The following RPS6KA2 variants were observed in gnomAD, a reference collection of about 807,000 sequenced individuals.
The protein encoded by RPS6KA2 is ribosomal protein S6 kinase alpha-2.
In RPS6KA2, 42 loss-of-function variants were observed where a neutral mutation model predicts 91.8. The observed-to-expected ratio is 0.46, with a 90% CI of 0.36 to 0.59. The LOEUF (loss-of-function observed/expected upper bound fraction) is 0.59. Ranked by LOEUF, RPS6KA2 falls within the 20% of genes least tolerant of loss-of-function variation. RPS6KA2 has a pLI of 0.00. For synonymous variants in RPS6KA2, 414 were observed against 393.6 expected, an observed-to-expected ratio of 1.05 and a Z score of -0.61; for missense variants, 798 against 978.5, an observed-to-expected ratio of 0.82 and a Z score of 2.46.
intron 1 of RPS6KA2, among the ~76,000 whole-genome samples, chr6:166,607,159 A>AAT: frequency 6.6e-6 from 1 of 151,102 alleles, no homozygotes; most frequent in Non-Finnish European, 1.5e-5. Flanking sequence ...AAAAAAAAAA[A>AAT]GCTCCATCTA....
In RPS6KA2 at chr6:166,795,010, T is replaced by C. The variant is rs552219994; in HGVS notation, c.123+63190A>G. On this transcript the variant is annotated intron_variant, in intron 2 of 21. Transcript: ENST00000503859. ...AACTTAAAGTATAATAACAATAAAATAAAAATAAATAAATAAAAAATAAAA... is the reference window on the plus strand; with the variant it reads ...AACTTAAAGTATAATAACAATAAAACAAAAATAAATAAATAAAAAATAAAA... Among the ~76,000 whole-genome samples, 4 of 151,606 alleles carry C rather than the reference T, an allele frequency of 2.6e-5. No individual in the cohort carries two copies. In the South Asian group the frequency reaches 8.3e-4, roughly 32 times the overall value.
intron 2 of RPS6KA2, among the ~76,000 whole-genome samples, chr6:166,661,354 C>T (rs1191145046): frequency 6.6e-6 from 1 of 152,182 alleles, no homozygotes; most frequent in Non-Finnish European, 1.5e-5. Flanking sequence ...CCCGCCTCGG[C>T]CTCCCCAAGT....
Position 166,490,608 on chromosome 6 carries a change from G to T in RPS6KA2, c.818+63C>A. The T allele has an allele frequency of 1.8e-6, 2 of 1,090,448 alleles. No homozygotes were observed. Among genetic ancestry groups the T allele is most frequent in the Non-Finnish European group, 2.8e-6 (2 of 721,524 alleles). The allele number at this position is 1,090,448 out of a possible 1,614,324, so 67.5% of individuals were successfully genotyped here. A position where few individuals can be genotyped will look rare whatever the true frequency, so the allele number is the denominator to read the frequency against. On this transcript the variant is annotated intron_variant, in intron 9 of 20. Transcript: ENST00000265678. The surrounding 1 kb of genome is among the most constrained non-coding windows in gnomAD (Gnocchi z 4.2). ...AAAACTTCACAGTTCCAGGTTCAGA[G>T]GCAGCAGCTCTTGATATCAGAAGGT...
chr6:166,853,877 G>T (rs1288576082), intron 2 of RPS6KA2, among the ~76,000 whole-genome samples: 1 of 152,202 alleles, frequency 6.6e-6, no homozygotes, highest in African/African-American at 2.4e-5. Flanking sequence ...TGGCCTGCAG[G>T]AGAGAGGCAG....
chr6:166,555,336 C>T (rs954800332), intron 1 of RPS6KA2, among the ~76,000 whole-genome samples: 4 of 152,196 alleles, frequency 2.6e-5, no homozygotes, highest in African/African-American at 9.7e-5. Flanking sequence ...GTTCTGGGCT[C>T]TCCGACCTTG....
intron 2 of RPS6KA2, among the ~76,000 whole-genome samples, chr6:166,789,633 C>T (rs1779030578): frequency 6.6e-6 from 1 of 152,200 alleles, no homozygotes; most frequent in African/African-American, 2.4e-5. Context: ...AGACTGACAC[C>T]TCACACGGCC....
chr6:166,643,856 A>G (rs1787524808), intron 2 of RPS6KA2, among the ~76,000 whole-genome samples: 5 of 152,230 alleles, frequency 3.3e-5, no homozygotes, highest in Admixed American at 3.3e-4. Flanking sequence ...ACTTAGGTGT[A>G]TGTGTGTGAG....
At chr6:166,782,389 T>C (rs147095612) in intron 2 of RPS6KA2, among the ~76,000 whole-genome samples, 5 of 152,322 alleles carry the variant, frequency 3.3e-5, no homozygotes, top group African/African-American at 1.2e-4. Context: ...CAATTGAGTC[T>C]TTAGAAGCAC....
At chr6:166,677,517 C>T (rs892036270) in intron 2 of RPS6KA2, among the ~76,000 whole-genome samples, 1 of 152,040 alleles carries the variant, frequency 6.6e-6, no homozygotes, top group African/African-American at 2.4e-5. Context: ...TGCACCACCA[C>T]TCCCAGCTAA....
At chr6:166,720,531 T>C (rs1003288364) in intron 2 of RPS6KA2, among the ~76,000 whole-genome samples, 3 of 151,930 alleles carry the variant, frequency 2.0e-5, no homozygotes, top group African/African-American at 7.3e-5. Context: ...TAGAAATCTC[T>C]CCCCAAAAAT....
intron 2 of RPS6KA2, among the ~76,000 whole-genome samples, chr6:166,673,049 C>T (rs1177024827): frequency 6.6e-6 from 1 of 152,134 alleles, no homozygotes; most frequent in African/African-American, 2.4e-5. Context: ...CAGAGCTGCC[C>T]TTCCCTCCCC....
In RPS6KA2 at chr6:166,583,570, A is replaced by G. The variant is rs997001216; in HGVS notation, c.99+43351T>C. ...CCAGGGTTCCCCACCCACTGTCCAG[A>G]GGTGACAAAGGAGAGACGCTCCTGA... On this transcript the variant is annotated intron_variant, in intron 1 of 20. Coordinates refer to ENST00000265678, the MANE Select transcript of RPS6KA2 (RefSeq NM_021135.6). 1.1e-4 allele frequency among the ~76,000 whole-genome samples: 17 copies of G among 152,336 alleles called. No homozygotes were observed. In the South Asian group the frequency reaches 3.3e-3, roughly 30 times the overall value.
intron 10 of RPS6KA2, among the ~76,000 whole-genome samples, chr6:166,474,975 G>A (rs1207332466): frequency 6.6e-6 from 1 of 152,212 alleles, no homozygotes; most frequent in Non-Finnish European, 1.5e-5. Flanking sequence ...AGTGCCGAGG[G>A]CGCTGGCCAG....
chr6:166,553,304 G>T (rs1187295049), intron 1 of RPS6KA2, among the ~76,000 whole-genome samples: 2 of 151,848 alleles, frequency 1.3e-5, no homozygotes, highest in East Asian at 3.9e-4. Flanking sequence ...GTATTTTTTT[G>T]TAGAGATGGT....
At chr6:166,862,445 C>T in exon 1 of RPS6KA2, 1 of 1,222,150 alleles carries the variant, frequency 8.2e-7, no homozygotes, top group Non-Finnish European at 1.1e-6. Context: ...GGAGCTGCTG[C>T]CGCTTCCCGC....
intron 2 of RPS6KA2, among the ~76,000 whole-genome samples, chr6:166,722,718 C>T (rs962783659): frequency 3.9e-5 from 6 of 152,260 alleles, no homozygotes; most frequent in East Asian, 1.9e-4. Context: ...TTCTCTGAAA[C>T]GCTTGATACA....
intron 12 of RPS6KA2, among the ~76,000 whole-genome samples, chr6:166,456,845 C>T (rs1780121232): frequency 2.0e-5 from 3 of 152,186 alleles, no homozygotes; most frequent in African/African-American, 7.2e-5. Flanking sequence ...GATTGGAGAA[C>T]TGGAAACACT....
At position 166,488,900 on chromosome 6, in the gene RPS6KA2, C is replaced by T. The variant is rs768390505; in HGVS notation, c.840G>A (p.Gln280=). 5 of 1,613,670 alleles carry T rather than the reference C, an allele frequency of 3.1e-6. No individual in the cohort carries two copies. The highest frequency in any genetic ancestry group is 3.4e-6 in the Non-Finnish European group (4 of 1,179,822). ...AACTCTGTGCCTCCCCACTGAGGAA[C>T]TGCGGCATCCCCAGCTTGGCTCTGA... ...LILKAKLGMP[Q]FLSGEAQSLL... is the part of the protein sequence containing the mutation. Residue 280 remains glutamine, a synonymous_variant, in exon 10 of 21, where the codon CAG becomes CAA. Transcript: ENST00000265678.
At chr6:166,545,567 C>CA (rs1554288770) in intron 1 of RPS6KA2, among the ~76,000 whole-genome samples, 5 of 151,974 alleles carry the variant, frequency 3.3e-5, no homozygotes, top group Non-Finnish European at 7.4e-5. Flanking sequence ...CATTTCTCTC[C>CA]TTTTTTTTCT....
Sources: allele counts gnomAD v4.1 joint callset (sites outside exome capture counted in the v4.1 genomes callset), GRCh38; gene constraint gnomAD v4.1.1; non-coding constraint Gnocchi (gnomAD v3.1); transcripts MANE v1.5; gene names NCBI Gene and HGNC (gene_info 2026-07-23, HGNC 2026-07-21).